COL4A6: variants seen among roughly 807,000 people sequenced by gnomAD.
COL4A6 encodes collagen alpha-6(IV) chain.
In COL4A6, 59 loss-of-function variants were observed where a neutral mutation model predicts 126.7. That is an observed-to-expected ratio of 0.47 (90% CI 0.38 to 0.58). The LOEUF is 0.58. Ranked by LOEUF, COL4A6 falls within the 20% of genes least tolerant of loss-of-function variation. The probability of loss-of-function intolerance (pLI) is 0.00; values close to 1 mark genes in which losing one functional copy is unlikely to be tolerated. For missense variants in COL4A6, 1,285 were observed against 1,337.3 expected (o/e 0.96, Z 0.61); for synonymous variants, 547 against 496.6 (o/e 1.10, Z -1.35).
intron 3 of COL4A6, among the ~76,000 whole-genome samples, chrX:108,281,536 G>C (rs1239527393): frequency 6.3e-5 from 7 of 110,377 alleles, no homozygotes; most frequent in African/African-American, 2.3e-4. Flanking sequence ...CTCATGGGTA[G>C]GAAGAATCAA....
chrX:108,361,916 T>A (rs187929361), intron 2 of COL4A6, among the ~76,000 whole-genome samples: 1 of 112,103 alleles, frequency 8.9e-6, no homozygotes, highest in African/African-American at 3.2e-5. Flanking sequence ...GGGCTTACAA[T>A]CTCATCAGAA....
At chrX:108,219,181 A>C (rs371282196) in intron 5 of COL4A6, among the ~76,000 whole-genome samples, 2 of 112,403 alleles carry the variant, frequency 1.8e-5, no homozygotes, top group Non-Finnish European at 3.8e-5. Flanking sequence ...ATTTTGCAAG[A>C]GGCTGCCTCC....
intron 2 of COL4A6, among the ~76,000 whole-genome samples, chrX:108,373,131 G>A (rs1340408136): frequency 1.8e-5 from 2 of 111,376 alleles, no homozygotes; most frequent in East Asian, 2.8e-4. Flanking sequence ...AGCCAGGCAC[G>A]GTGGCTCATG....
At chrX:108,322,482 G>A (rs758984062) in intron 2 of COL4A6, among the ~76,000 whole-genome samples, 1 of 112,047 alleles carries the variant, frequency 8.9e-6, no homozygotes, top group East Asian at 2.8e-4. Context: ...ACAACTGATG[G>A]CATCAGGGGT....
At chrX:108,253,000 G>T (rs777273392) in intron 3 of COL4A6, among the ~76,000 whole-genome samples, 4 of 111,383 alleles carry the variant, frequency 3.6e-5, no homozygotes, top group African/African-American at 1.3e-4. Context: ...GTACCTCAAC[G>T]CAGTAAAGGC....
At chrX:108,404,971 C>T (rs1233671195) in intron 2 of COL4A6, among the ~76,000 whole-genome samples, 2 of 110,988 alleles carry the variant, frequency 1.8e-5, no homozygotes, top group Admixed American at 1.9e-4. Flanking sequence ...TTTTTAACAA[C>T]AGCAACCTCA....
At chrX:108,300,770 A>C (rs1310318252) in intron 3 of COL4A6, among the ~76,000 whole-genome samples, 2 of 93,071 alleles carry the variant, frequency 2.1e-5, no homozygotes, top group African/African-American at 8.8e-5. Context: ...CCCTAAGTAG[A>C]AGTCTGGTAC....
rs146748865 is a variant in COL4A6 at position 108,211,738 on chromosome X, C to G, written c.444G>C (p.Gly148=). 754 of 1,206,503 alleles carry G rather than the reference C, an allele frequency of 6.2e-4. No homozygotes were observed. The highest frequency in any genetic ancestry group is 8.2e-4 in the Non-Finnish European group (735 of 891,864). The change falls in exon 7 of 45, where the codon GGG becomes GGC. Residue 148 remains glycine, a splice_region_variant and synonymous_variant. Coordinates refer to ENST00000334504, the MANE Select transcript of COL4A6 (RefSeq NM_033641.4). ...DGYPGLLGPP[G]LPGQKGSKGD... The stretch of plus-strand genomic sequence containing the variant: ...CTTTTGATCCTTTCTGACCAGGAAG[C>G]CCCTGAGTAAAATAGTTTAAAAAAT...
intron 5 of COL4A6, among the ~76,000 whole-genome samples, chrX:108,217,406 G>T (rs905698999): frequency 9.9e-5 from 11 of 111,196 alleles, no homozygotes; most frequent in Non-Finnish European, 1.7e-4. Context: ...GTCTGGGGGA[G>T]CCCTGACAGT....
At chrX:108,392,743 T>C (rs1020004470) in intron 2 of COL4A6, among the ~76,000 whole-genome samples, 12 of 111,383 alleles carry the variant, frequency 1.1e-4, no homozygotes, top group African/African-American at 3.9e-4. Flanking sequence ...AGTGCCCTTA[T>C]AAAAGGGGCC....
intron 11 of COL4A6, among the ~76,000 whole-genome samples, chrX:108,204,779 T>A (rs1440734894): frequency 9.0e-6 from 1 of 111,536 alleles, no homozygotes; most frequent in Non-Finnish European, 1.9e-5. Context: ...AAGAGCACAA[T>A]CAGAGGCAAT....
intron 2 of COL4A6, among the ~76,000 whole-genome samples, chrX:108,390,966 C>T (rs1340064903): frequency 9.0e-6 from 1 of 111,412 alleles, no homozygotes; most frequent in Non-Finnish European, 1.9e-5. Flanking sequence ...TTCTAATAGT[C>T]AGGCCCCTCT....
intron 2 of COL4A6, among the ~76,000 whole-genome samples, chrX:108,430,499 T>C (rs748621469): frequency 1.8e-5 from 2 of 111,760 alleles, no homozygotes; most frequent in African/African-American, 3.3e-5. Context: ...GAAGATACCA[T>C]AATTGGGTTT....
At chrX:108,182,394 G>A (rs940260864) in intron 23 of COL4A6, among the ~76,000 whole-genome samples, 1 of 112,244 alleles carries the variant, frequency 8.9e-6, no homozygotes, top group Non-Finnish European at 1.9e-5. Context: ...TGTAGTCTGG[G>A]CAGCACTTTC....
chrX:108,207,565 T>C (rs2035583729), intron 8 of COL4A6, among the ~76,000 whole-genome samples: 1 of 111,738 alleles, frequency 8.9e-6, no homozygotes, highest in African/African-American at 3.3e-5. Context: ...ATAAAGCAAG[T>C]ACAGTTGGCC....
At chrX:108,386,138 G>A (rs1345878363) in intron 2 of COL4A6, among the ~76,000 whole-genome samples, 1 of 111,606 alleles carries the variant, frequency 9.0e-6, no homozygotes, top group East Asian at 2.8e-4. Context: ...ATTTGGGTTG[G>A]TTCCAAGTCT....
chrX:108,172,432 G>C, intron 32 of COL4A6, 37 bp downstream of exon 32: 1 of 894,140 alleles, frequency 1.1e-6, no homozygotes, highest in African/African-American at 2.1e-5. Context: ...CCTTGCTCTA[G>C]AAGAAAACAT....
At position 108,188,660 on chromosome X, in the gene COL4A6, C is replaced by A; in HGVS notation, c.1444G>T (p.Ala482Ser). The change falls in exon 21 of 45, where the codon GCT becomes TCT. Residue 482 changes from alanine (A) to serine (S), a missense_variant. Transcript: ENST00000334504. ...KGIKGDSGFC[A>S]CDGGVPNTGP... ...GTGTTGGGAACACCACCGTCACAAG[C>A]ACAGAAACCTGAGTCTCCTGGGAGA... 1 of 1,157,916 alleles carries A rather than the reference C, an allele frequency of 8.6e-7. No homozygotes were observed. Among genetic ancestry groups the A allele is most frequent in the Non-Finnish European group, 1.1e-6 (1 of 869,816 alleles).
At chrX:108,424,753 A>G in intron 2 of COL4A6, among the ~76,000 whole-genome samples, 1 of 112,060 alleles carries the variant, frequency 8.9e-6, no homozygotes, top group African/African-American at 3.2e-5. Context: ...GGGGTGGCTC[A>G]CGCCTGTAAT....
Sources: gnomAD v4.1 joint callset for allele counts (sites outside exome capture counted in the v4.1 genomes callset) on GRCh38, gnomAD v4.1.1 for gene constraint, MANE v1.5 for transcripts, NCBI Gene and HGNC (gene_info 2026-07-23, HGNC 2026-07-21) for gene names.